The following LINGO3 variants were observed in gnomAD, a reference collection of about 807,000 sequenced individuals.
The protein encoded by LINGO3 is leucine-rich repeat and immunoglobulin-like domain-containing nogo receptor-interacting protein 3.
For missense variants in LINGO3, 750 were observed against 867.7 expected (o/e 0.86, Z 1.70); for synonymous variants, 427 against 444.2 (o/e 0.96, Z 0.49).
At chr19:2,291,160 C>A in exon 1 of LINGO3, 1 of 1,606,554 alleles carries the variant, frequency 6.2e-7, no homozygotes, top group Non-Finnish European at 8.5e-7. Flanking sequence ...GGCCAGGTGG[C>A]GCAGCCGCAG....
downstream of LINGO3, among the ~76,000 whole-genome samples, chr19:2,288,763 C>T (rs1268863131): frequency 6.6e-6 from 1 of 152,178 alleles, no homozygotes; most frequent in Non-Finnish European, 1.5e-5. This position sits in a 1 kb window ranked among gnomAD's most constrained non-coding sequence, Gnocchi z 6.5. Flanking sequence ...GCCCCGAGGT[C>T]GGCTGGGAGA....
At chr19:2,305,932 C>T in the LINGO3 span, among the ~76,000 whole-genome samples, 13 of 152,232 alleles carry the variant, frequency 8.5e-5, no homozygotes, top group African/African-American at 1.7e-4. Context: ...CAGGCCCTCC[C>T]GGGGCTTCAT....
chr19:2,297,245 G>A, the LINGO3 span, among the ~76,000 whole-genome samples: 1 of 150,250 alleles, frequency 6.7e-6, no homozygotes, highest in Non-Finnish European at 1.5e-5. Context: ...TCCTCTCAGT[G>A]CAGACCCCTC....
At chr19:2,289,301 C>G (rs1000262098), downstream of LINGO3, among the ~76,000 whole-genome samples, 1 of 150,416 alleles carries the variant, frequency 6.6e-6, no homozygotes, top group Non-Finnish European at 1.5e-5. Flanking sequence ...AGCTGTGTGT[C>G]CCGGGTGTGA....
chr19:2,298,382 C>T, the LINGO3 span, among the ~76,000 whole-genome samples: 1 of 151,602 alleles, frequency 6.6e-6, no homozygotes, highest in Non-Finnish European at 1.5e-5. Flanking sequence ...AGGCAAGTGC[C>T]AGCACACCTG....
At chr19:2,306,435 CA>C in the LINGO3 span, among the ~76,000 whole-genome samples, 1 of 152,180 alleles carries the variant, frequency 6.6e-6, no homozygotes, top group African/African-American at 2.4e-5. Context: ...GGTAGTGACT[CA>C]GGGGGCGCCG....
the LINGO3 span, among the ~76,000 whole-genome samples, chr19:2,299,723 CTTTTTT>C: frequency 1.2e-5 from 1 of 81,630 alleles, no homozygotes; most frequent in Admixed American, 1.5e-4. Context: ...TGTGCCCTGC[CTTTTTT>C]TTTTTTTTTT....
At chr19:2,302,974 C>G in the LINGO3 span, among the ~76,000 whole-genome samples, 1 of 152,262 alleles carries the variant, frequency 6.6e-6, no homozygotes, top group Non-Finnish European at 1.5e-5. Context: ...ACGCAGACGC[C>G]CGCAGCACCA....
chr19:2,292,011 A>C, exon 1 of LINGO3: 1 of 526,266 alleles, frequency 1.9e-6, no homozygotes, highest in Non-Finnish European at 3.6e-6. Flanking sequence ...ACATAGCAAG[A>C]CTCCCATCTC....
At chr19:2,304,290 C>A in the LINGO3 span, among the ~76,000 whole-genome samples, 1 of 152,112 alleles carries the variant, frequency 6.6e-6, no homozygotes, top group Admixed American at 6.6e-5. Flanking sequence ...ACAAGTAAAG[C>A]CGACTGTCAC....
At chr19:2,295,876 T>G (rs1387323344), upstream of LINGO3, among the ~76,000 whole-genome samples, 1 of 150,798 alleles carries the variant, frequency 6.6e-6, no homozygotes, top group Non-Finnish European at 1.5e-5. Flanking sequence ...AAGGAAGGTG[T>G]CGCAGGTGAG....
At chr19:2,289,148 G>A (rs902874496), downstream of LINGO3, among the ~76,000 whole-genome samples, 6 of 150,850 alleles carry the variant, frequency 4.0e-5, no homozygotes, top group Non-Finnish European at 5.9e-5. Flanking sequence ...TCCTGCGTAT[G>A]AGCTGTGTGT....
At chr19:2,297,028 C>G in the LINGO3 span, among the ~76,000 whole-genome samples, 4 of 151,140 alleles carry the variant, frequency 2.6e-5, no homozygotes, top group Non-Finnish European at 4.4e-5. Flanking sequence ...GGAGGCGGAG[C>G]TTGCAGTGAG....
the LINGO3 span, among the ~76,000 whole-genome samples, chr19:2,301,584 G>A: frequency 6.6e-6 from 1 of 152,142 alleles, no homozygotes; most frequent in African/African-American, 2.4e-5. Context: ...GAGACCCAGA[G>A]ACGGACGGCG....
chr19:2,290,740 G>A lies in LINGO3; in HGVS notation c.1037C>T (p.Thr346Met). The A allele has an allele frequency of 6.2e-7, 1 of 1,612,734 alleles. No individual in the cohort carries two copies. Among genetic ancestry groups the A allele is most frequent in the Non-Finnish European group, 8.5e-7 (1 of 1,179,620 alleles). Residue 346 changes from threonine (T) to methionine (M), a missense_variant, in exon 1 of 1, where the codon ACG becomes ATG. Transcript: ENST00000585527. This position sits in a 1 kb window ranked among gnomAD's most constrained non-coding sequence, Gnocchi z 6.0. Reference sequence around the variant, plus strand: ...CAGCGGGTTCCCGTCCACGCGCAGCGTCTCTAGCGTGTTCACCGAGTGGAA... The same window carrying A: ...CAGCGGGTTCCCGTCCACGCGCAGCATCTCTAGCGTGTTCACCGAGTGGAA...
chr19:2,297,481 T>G, the LINGO3 span, among the ~76,000 whole-genome samples: 29 of 151,490 alleles, frequency 1.9e-4, no homozygotes, highest in Non-Finnish European at 3.7e-4. Context: ...ATTTTTGTAT[T>G]TTTAGTAGAG....
chr19:2,296,270 C>T (rs2025571037), upstream of LINGO3, among the ~76,000 whole-genome samples: 1 of 152,096 alleles, frequency 6.6e-6, no homozygotes, highest in Admixed American at 6.5e-5. Flanking sequence ...GTTTACAAAA[C>T]CACTGGTGAA....
At chr19:2,291,803 G>A in exon 1 of LINGO3, 3 of 1,457,578 alleles carry the variant, frequency 2.1e-6, no homozygotes, top group Non-Finnish European at 2.7e-6. Flanking sequence ...CTAGGGCCGC[G>A]CCACCATCCT....
the LINGO3 span, among the ~76,000 whole-genome samples, chr19:2,305,002 C>T: frequency 1.3e-5 from 2 of 152,140 alleles, no homozygotes; most frequent in Admixed American, 6.5e-5. Context: ...AGCCACCACA[C>T]CCAGCCTCAT....
Sources: allele counts gnomAD v4.1 joint callset (sites outside exome capture counted in the v4.1 genomes callset), GRCh38; gene constraint gnomAD v4.1.1; non-coding constraint Gnocchi (gnomAD v3.1); transcripts MANE v1.5; gene names NCBI Gene and HGNC (gene_info 2026-07-23, HGNC 2026-07-21).